Variants in IQSEC2 observed in about 807,000 individuals in gnomAD.
The protein encoded by IQSEC2 is IQ motif and Sec7 domain ArfGEF 2, also known as IQ motif and SEC7 domain-containing protein 2.
A neutral mutation model predicts 74.6 loss-of-function variants in IQSEC2; 6 were observed. That is an observed-to-expected ratio of 0.08 (90% CI 0.04 to 0.16). The LOEUF is 0.16. IQSEC2 is among the 10% of genes least tolerant of loss of function. The pLI, the probability that IQSEC2 is intolerant of heterozygous loss-of-function variation, is 1.00. For synonymous variants in IQSEC2, 494 were observed against 544.5 expected, an observed-to-expected ratio of 0.91 and a Z score of 1.29; for missense variants, 734 against 1,306.2, an observed-to-expected ratio of 0.56 and a Z score of 6.75.
intron 2 of IQSEC2, chrX:53,279,508 CTG>C: frequency 2.7e-6 from 2 of 746,879 alleles, no homozygotes; most frequent in Non-Finnish European, 4.1e-6. Context: ...GGCAATGACA[CTG>C]TATATTTGTC....
chrX:53,277,273 G>A (rs1178862466), intron 2 of IQSEC2, among the ~76,000 whole-genome samples: 2 of 109,769 alleles, frequency 1.8e-5, no homozygotes, highest in Admixed American at 9.7e-5. Context: ...GTGCAGGGGC[G>A]CAATCTCGGC....
Position 53,321,148 on chromosome X carries a change from C to A in IQSEC2, c.-25G>T. The stretch of plus-strand genomic sequence containing the variant: ...TCCTGGCGGCCCAGGGGCAGGGGAA[C>A]GGGCAGGAGAGCCCTGTCCCCGCTC... On this transcript the variant is annotated 5_prime_UTR_variant, in exon 1 of 15. Transcript: ENST00000642864. The A allele has an allele frequency of 1.0e-6, 1 of 970,840 alleles. No individual in the cohort carries two copies. The highest frequency in any genetic ancestry group is 2.1e-5 in the South Asian group (1 of 48,487). 80.0% of individuals were successfully genotyped at this position (970,840 alleles called of 1,213,427 possible).
chrX:53,279,512 A>T, intron 2 of IQSEC2: 1 of 772,574 alleles, frequency 1.3e-6, no homozygotes, highest in African/African-American at 2.0e-5. Context: ...ATGACACTGT[A>T]TATTTGTCTG....
At chrX:53,260,908 A>T (rs782077836) in intron 2 of IQSEC2, among the ~76,000 whole-genome samples, 2 of 111,285 alleles carry the variant, frequency 1.8e-5, no homozygotes, top group East Asian at 5.7e-4. Context: ...CAGGCTTTTC[A>T]TGACATCTTG....
intron 2 of IQSEC2, among the ~76,000 whole-genome samples, chrX:53,271,431 T>A (rs1556868652): frequency 9.0e-6 from 1 of 111,582 alleles, no homozygotes; most frequent in African/African-American, 3.3e-5. Flanking sequence ...CCCCTTGCAC[T>A]ATCACCCTGG....
At chrX:53,303,180 G>A (rs1245766813) in intron 1 of IQSEC2, among the ~76,000 whole-genome samples, 1 of 105,175 alleles carries the variant, frequency 9.5e-6, no homozygotes, top group African/African-American at 3.6e-5. Context: ...TCCAGCCTGG[G>A]AGACACAGTG....
chrX:53,293,158 G>A (rs782300674), intron 1 of IQSEC2, among the ~76,000 whole-genome samples: 3 of 112,299 alleles, frequency 2.7e-5, no homozygotes, highest in Middle Eastern at 9.2e-3. Context: ...AGGAGGCCCC[G>A]CTGGCGAGGT....
intron 1 of IQSEC2, among the ~76,000 whole-genome samples, chrX:53,315,515 C>T (rs1232596719): frequency 9.0e-6 from 1 of 111,683 alleles, no homozygotes; most frequent in African/African-American, 3.3e-5. Flanking sequence ...TCCTCCAGCT[C>T]CTTCACAGTT....
At chrX:53,274,883 G>A (rs782346179) in intron 2 of IQSEC2, among the ~76,000 whole-genome samples, 5 of 111,413 alleles carry the variant, frequency 4.5e-5, no homozygotes, top group African/African-American at 1.6e-4. Flanking sequence ...AATGGGTTTT[G>A]TATCTTTTTC....
At position 53,279,571 on chromosome X, in the gene IQSEC2, C is replaced by G. The variant is rs375142419; in HGVS notation, c.737+12324G>C. The G allele has an allele frequency of 4.2e-6, 5 of 1,177,933 alleles. No individual in the cohort carries two copies. In the Admixed American group the frequency reaches 6.6e-5, roughly 16 times the overall value. The stretch of plus-strand genomic sequence containing the variant: ...GATGGGTCTAGCTCTTACCTGCTCT[C>G]TGCCAGCCTGCCTGAGGGGGTAAGC... On this transcript the variant is annotated intron_variant, in intron 2 of 14. Transcript: ENST00000642864.
chrX:53,301,354 G>A (rs782395793), intron 1 of IQSEC2, among the ~76,000 whole-genome samples: 6 of 111,493 alleles, frequency 5.4e-5, no homozygotes, highest in African/African-American at 1.6e-4. Flanking sequence ...AGCCTATTAC[G>A]AATCACAATC....
rs1556862441 is a variant in IQSEC2, at chrX:53,248,162, C to T, written c.2534G>A (p.Arg845Gln). The change falls in exon 7 of 15, where the codon CGG (arginine) becomes CAG (glutamine). Residue 845 changes from arginine (R) to glutamine (Q), a missense_variant. Coordinates refer to ENST00000642864, the MANE Select transcript of IQSEC2 (RefSeq NM_001111125.3). ...CACTTTCTGGGCCTCACCCTGAACC[C>T]GGATATGGGACTGGAACTTCCGGAG... ...DALRKFQSHI[R>Q]VQGEAQKVER... is the part of the protein sequence containing the mutation. The T allele has an allele frequency of 1.1e-5, 13 of 1,208,432 alleles. No individual in the cohort carries two copies. Among genetic ancestry groups the T allele is most frequent in the East Asian group, 3.0e-5 (1 of 33,718 alleles).
intron 10 of IQSEC2, among the ~76,000 whole-genome samples, chrX:53,241,078 A>T (rs2074212257): frequency 9.0e-6 from 1 of 110,739 alleles, no homozygotes; most frequent in Admixed American, 9.6e-5. Flanking sequence ...GCCTGGCCCA[A>T]GCATCTTTTT....
At chrX:53,241,739 A>G in intron 10 of IQSEC2, 45 bp downstream of exon 10, 1 of 1,206,749 alleles carries the variant, frequency 8.3e-7, no homozygotes. Flanking sequence ...CTTAGGTGTC[A>G]AGCTCACTCT....
chrX:53,272,492 G>A (rs1458669324), intron 2 of IQSEC2, among the ~76,000 whole-genome samples: 10 of 111,523 alleles, frequency 9.0e-5, no homozygotes, highest in African/African-American at 2.6e-4. Flanking sequence ...GCTCAGAAAC[G>A]TGAAGTGAGT....
intron 1 of IQSEC2, among the ~76,000 whole-genome samples, chrX:53,296,398 G>T (rs2075153179): frequency 9.0e-6 from 1 of 111,213 alleles, no homozygotes; most frequent in Non-Finnish European, 1.9e-5. Flanking sequence ...CCTCCCAGGA[G>T]CGTCCTAAGG....
chrX:53,255,998 G>C lies in IQSEC2; in HGVS notation c.801C>G (p.Pro267=), dbSNP rs2074461496. The change falls in exon 3 of 15, where the codon CCC becomes CCG. Residue 267 remains proline (P), a synonymous_variant. Coordinates refer to ENST00000642864, the MANE Select transcript of IQSEC2 (RefSeq NM_001111125.3). ...GGGGCAGCTGGCTCAGCCGGTAGGG[G>C]GGTTGGCTCCCAGGACTATCAACCG... ...STAVDSPGSQ[P]PYRLSQLPPS... The C allele has an allele frequency of 8.4e-7, 1 of 1,188,283 alleles. No individual in the cohort carries two copies. Among genetic ancestry groups the C allele is most frequent in the African/African-American group, 1.8e-5 (1 of 56,921 alleles).
chrX:53,246,991 A>C lies in IQSEC2; in HGVS notation c.2727T>G (p.Asp909Glu). 8.3e-7 allele frequency: 1 copy of C among 1,210,917 alleles called. No individual in the cohort carries two copies. Among genetic ancestry groups the C allele is most frequent in the Non-Finnish European group, 1.1e-6 (1 of 894,929 alleles). The change falls in exon 8 of 15, where the codon GAT becomes GAG. Residue 909 changes from aspartate to glutamate, a missense_variant. Transcript: ENST00000642864. Reference sequence around the variant, plus strand: ...CACCTCTCAGGTTCTTGATGAAGTCATCTAGTTTCATCTTTCGTTCAGCTT... The same window carrying C: ...CACCTCTCAGGTTCTTGATGAAGTCCTCTAGTTTCATCTTTCGTTCAGCTT... ...SVKAERKMKL[D>E]DFIKNLRGVD... is the part of the protein sequence containing the mutation.
chrX:53,285,251 C>T (rs184780834), intron 2 of IQSEC2, among the ~76,000 whole-genome samples: 282 of 112,215 alleles, frequency 2.5e-3, no homozygotes, highest in African/African-American at 8.6e-3. Flanking sequence ...CCTGCACTTC[C>T]CCTATAATTG....
Sources: allele counts gnomAD v4.1 joint callset (sites outside exome capture counted in the v4.1 genomes callset), GRCh38; gene constraint gnomAD v4.1.1; transcripts MANE v1.5; gene names NCBI Gene and HGNC (gene_info 2026-07-23, HGNC 2026-07-21).